Variants in BTF3 observed in about 807,000 individuals in gnomAD.
BTF3 encodes the protein transcription factor BTF3.
In BTF3, 12 loss-of-function variants were observed where a neutral mutation model predicts 23.9. The observed-to-expected ratio is 0.50, with a 90% confidence interval of 0.32 to 0.81. BTF3 has a LOEUF of 0.81. Ranked by LOEUF, BTF3 falls within the 40% of genes least tolerant of loss-of-function variation. The pLI is 0.03. For synonymous variants in BTF3, 96 were observed against 94.8 expected (o/e 1.01, Z -0.07); for missense variants, 215 against 255.9 (o/e 0.84, Z 1.09).
At position 73,503,126 on chromosome 5, in the gene BTF3, C is replaced by A; in HGVS notation, c.517+9C>A. 1 of 1,611,570 alleles carries A rather than the reference C, an allele frequency of 6.2e-7. No homozygotes were observed. The highest frequency in any genetic ancestry group is 1.3e-5 in the African/African-American group (1 of 74,956). Reference sequence around the variant, plus strand: ...AGCTCTGCCCAAACAATGTGAGTTTCCTAGTAATGGTTTTACCAGGGAATT... The same window carrying A: ...AGCTCTGCCCAAACAATGTGAGTTTACTAGTAATGGTTTTACCAGGGAATT... On this transcript the variant is annotated intron_variant, in intron 4 of 5. Transcript: ENST00000380591.
chr5:73,498,831 C>G, intron 1 of BTF3, 32 bp downstream of exon 1: 1 of 1,485,842 alleles, frequency 6.7e-7, no homozygotes. Flanking sequence ...GTGGCCGGGC[C>G]GGGCAGGCCC....
Position 73,502,739 on chromosome 5 carries a change from A to G in BTF3, c.315+138A>G, listed in dbSNP as rs1378468247. 2.0e-5 allele frequency: 17 copies of G among 840,104 alleles called. No homozygotes were observed. The Admixed American group carries it at 4.1e-4, about 20-fold the overall frequency. 52.0% of individuals were successfully genotyped at this position (840,104 alleles called of 1,614,324 possible). ...TAAGATGTGTTTCTACCATAAATTA[A>G]TAAATATCAGGGAGCTCATTAAGTC... On this transcript the variant is annotated intron_variant, in intron 3 of 5. Coordinates refer to ENST00000380591, the MANE Select transcript of BTF3 (RefSeq NM_001037637.2).
intron 2 of BTF3, 131 bp downstream of exon 2, chr5:73,499,333 CA>C: frequency 1.0e-6 from 1 of 995,076 alleles, no homozygotes; most frequent in Non-Finnish European, 1.5e-6. Context: ...ACGGAGCTAG[CA>C]AATCTCGAGG....
chr5:73,499,385 G>A (rs756993051), intron 2 of BTF3, 183 bp downstream of exon 2: 50 of 706,218 alleles, frequency 7.1e-5, no homozygotes, highest in Admixed American at 1.0e-4. Context: ...AGTGAGACGA[G>A]CTAAAAACAT....
At chr5:73,504,554 A>G (rs1235999265) in intron 5 of BTF3, 151 bp downstream of exon 5, 2 of 526,976 alleles carry the variant, frequency 3.8e-6, no homozygotes, top group African/African-American at 4.0e-5. Context: ...GTATTAGGTA[A>G]TTGAGAATTA....
At position 73,505,112 on chromosome 5, in the gene BTF3, T is replaced by C. The variant is rs1362954302; in HGVS notation, c.575-80T>C. On this transcript the variant is annotated intron_variant, in intron 5 of 5. Coordinates refer to ENST00000380591, the MANE Select transcript of BTF3 (RefSeq NM_001037637.2). ...ATCATCATTGGCAAATGAATGTCTT[T>C]CCTTCATCCCCTTTTAATATCTGAT... 4.3e-6 allele frequency: 5 copies of C among 1,151,764 alleles called. No individual in the cohort carries two copies. In the South Asian group the frequency reaches 5.1e-5, roughly 12 times the overall value. The allele number at this position is 1,151,764 out of a possible 1,614,324, so 71.3% of individuals were successfully genotyped here. A position where few individuals can be genotyped will look rare whatever the true frequency, so the allele number is the denominator to read the frequency against.
intron 2 of BTF3, among the ~76,000 whole-genome samples, chr5:73,500,632 A>G (rs1169561740): frequency 6.6e-6 from 1 of 152,246 alleles, no homozygotes; most frequent in Admixed American, 6.5e-5. Flanking sequence ...ATGTGAAATT[A>G]GGTGAGTTAA....
At chr5:73,499,633 A>G in intron 2 of BTF3, 1 of 272,604 alleles carries the variant, frequency 3.7e-6, no homozygotes, top group South Asian at 3.8e-5. Flanking sequence ...GTAGTTGCAT[A>G]TTTCAAGGGT....
intron 5 of BTF3, 39 bp from the exon 6 acceptor site, chr5:73,505,153 T>A (rs1384829264): frequency 6.6e-7 from 1 of 1,524,766 alleles, no homozygotes; most frequent in Admixed American, 1.7e-5. Context: ...TTTGTAGATT[T>A]GGCTTTTTTA....
intron 4 of BTF3, 72 bp from the exon 5 acceptor site, chr5:73,504,275 T>TTTTTTTTTTTTTTTTTTTTTTTTTTC: frequency 1.6e-6 from 1 of 626,932 alleles, no homozygotes; most frequent in Non-Finnish European, 2.3e-6. Context: ...TTCTTTTTTT[T>TTTTTTTTTTTTTTTTTTTTTTTTTTC]TTTTTTTTTT....
At chr5:73,502,674 GTTGTTT>G in intron 3 of BTF3, 73 bp downstream of exon 3, 1 of 976,838 alleles carries the variant, frequency 1.0e-6, no homozygotes, top group African/African-American at 4.5e-5. Context: ...CATTAAATGG[GTTGTTT>G]TTTTTTTTTT....
In BTF3 at chr5:73,505,572, G is replaced by A. The variant is rs1294140427; in HGVS notation, c.*334G>A. ...AATTGCTTATAGAAAGCTAATCATG[G>A]CATGTAATATGGCTGATAACCTTTG... On this transcript the variant is annotated 3_prime_UTR_variant, in exon 6 of 6. Transcript: ENST00000380591. The A allele has an allele frequency of 5.8e-6, 1 of 171,108 alleles. No individual in the cohort carries two copies. The highest frequency in any genetic ancestry group is 1.2e-5 in the Non-Finnish European group (1 of 80,770). The allele number at this position is 171,108 out of a possible 1,614,324, so 10.6% of individuals were successfully genotyped here. A position where few individuals can be genotyped will look rare whatever the true frequency, so the allele number is the denominator to read the frequency against.
At chr5:73,499,322 C>CACGG in intron 2 of BTF3, 120 bp downstream of exon 2, 2 of 1,109,758 alleles carry the variant, frequency 1.8e-6, no homozygotes, top group Non-Finnish European at 2.6e-6. Flanking sequence ...GAGGGAAATT[C>CACGG]ACGGAGCTAG....
chr5:73,505,062 T>G, intron 5 of BTF3, 130 bp from the exon 6 acceptor site: 3 of 707,574 alleles, frequency 4.2e-6, no homozygotes, highest in Non-Finnish European at 4.5e-6. Context: ...TGCATTCTTG[T>G]TCTTGGGGCT....
chr5:73,504,628 T>G (rs1746515315), intron 5 of BTF3: 1 of 367,764 alleles, frequency 2.7e-6, no homozygotes, highest in Admixed American at 4.4e-5. Flanking sequence ...GTATCTAACC[T>G]TAAATATTGA....
intron 2 of BTF3, among the ~76,000 whole-genome samples, chr5:73,501,319 TG>T (rs1174588056): frequency 2.0e-5 from 3 of 152,162 alleles, no homozygotes; most frequent in Non-Finnish European, 4.4e-5. Context: ...GTGCCTTCAG[TG>T]AGCTAGATAC....
chr5:73,499,053 G>A, intron 1 of BTF3, 81 bp from the exon 2 acceptor site: 1 of 1,425,516 alleles, frequency 7.0e-7, no homozygotes, highest in South Asian at 1.3e-5. Context: ...TTATTTTCCT[G>A]CTGGTATCTT....
rs1400246815 is a variant in BTF3 at position 73,505,258 on chromosome 5, A to T, written c.*20A>T. On this transcript the variant is annotated 3_prime_UTR_variant, in exon 6 of 6. Coordinates refer to ENST00000380591, the MANE Select transcript of BTF3 (RefSeq NM_001037637.2). Reference sequence around the variant, plus strand: ...AACTGAATTGAGTCAACTTCTGAAGATAAAACCTGAAGAAGTTACTGGGAG... The same window carrying T: ...AACTGAATTGAGTCAACTTCTGAAGTTAAAACCTGAAGAAGTTACTGGGAG... 6.2e-7 allele frequency: 1 copy of T among 1,604,952 alleles called. No homozygotes were observed. Among genetic ancestry groups the T allele is most frequent in the East Asian group, 2.2e-5 (1 of 44,782 alleles).
At chr5:73,504,264 G>GTTATTTTTTT in intron 4 of BTF3, 83 bp from the exon 5 acceptor site, 2 of 404,648 alleles carry the variant, frequency 4.9e-6, no homozygotes, top group South Asian at 5.1e-5. Flanking sequence ...CATTTCATCT[G>GTTATTTTTTT]TTCTTTTTTT....
Sources: gnomAD v4.1 joint callset for allele counts (sites outside exome capture counted in the v4.1 genomes callset) on GRCh38, gnomAD v4.1.1 for gene constraint, MANE v1.5 for transcripts, NCBI Gene and HGNC (gene_info 2026-07-23, HGNC 2026-07-21) for gene names.